Variants in ENKUR observed in about 807,000 individuals in gnomAD.
The protein encoded by ENKUR is enkurin.
A neutral mutation model predicts 27.6 loss-of-function variants in ENKUR; 19 were observed. The observed-to-expected ratio is 0.69, with a 90% CI of 0.48 to 1.01. ENKUR has a LOEUF of 1.01. Among genes scored for constraint, ENKUR ranks in the 50% least tolerant of loss-of-function variants. The pLI is 0.00. For missense variants in ENKUR, 312 were observed against 310.5 expected, an observed-to-expected ratio of 1.00 and a Z score of -0.04; for synonymous variants, 117 against 96.9, an observed-to-expected ratio of 1.21 and a Z score of -1.22.
At chr10:25,023,954 A>G (rs780164466) in intron 2 of ENKUR, 12 of 1,614,098 alleles carry the variant, frequency 7.4e-6, no homozygotes, top group Non-Finnish European at 3.4e-6. Context: ...GACTGTGAAC[A>G]GAAGGTTTCA....
chr10:25,054,798 C>T (rs577752004), intron 2 of ENKUR, among the ~76,000 whole-genome samples: 1 of 151,760 alleles, frequency 6.6e-6, no homozygotes, highest in East Asian at 2.0e-4. Context: ...CACCTCAGCC[C>T]CCCTCATAGC....
At position 24,999,460 on chromosome 10, in the gene ENKUR, TC is replaced by T. The variant is rs760034921; in HGVS notation, c.163del (p.Glu55LysfsTer9). 62 of 1,613,382 alleles carry T rather than the reference TC, an allele frequency of 3.8e-5. No homozygotes were observed. The highest frequency in any genetic ancestry group is 5.0e-5 in the Non-Finnish European group (59 of 1,179,776). ...AMKTMGPAKV[E>X]VPSPKDFLKK... Reference sequence around the variant, plus strand: ...TAGGAAATCCTTTGGAGAAGGTACTTCAACTTTTGCTGGTCCCATAGTTTTC... The same window carrying T: ...TAGGAAATCCTTTGGAGAAGGTACTTAACTTTTGCTGGTCCCATAGTTTTC... On this transcript the variant is annotated frameshift_variant, in exon 2 of 6. Transcript: ENST00000331161. LOFTEE classifies it high-confidence loss of function.
chr10:24,995,170 A>C (rs1445795351), intron 3 of ENKUR, among the ~76,000 whole-genome samples: 1 of 152,222 alleles, frequency 6.6e-6, no homozygotes, highest in African/African-American at 2.4e-5. Flanking sequence ...TTCATGTTAA[A>C]ATAGGAATGT....
intron 1 of ENKUR, among the ~76,000 whole-genome samples, chr10:25,010,530 G>A (rs1396617938): frequency 3.3e-5 from 5 of 151,352 alleles, no homozygotes; most frequent in Admixed American, 1.3e-4. Flanking sequence ...TGCCATGCTG[G>A]TGTGCTGCAC....
intron 2 of ENKUR, among the ~76,000 whole-genome samples, chr10:25,044,208 T>C (rs1027646163): frequency 4.6e-5 from 7 of 152,210 alleles, no homozygotes; most frequent in Admixed American, 6.5e-5. Context: ...TCTAAAAGAA[T>C]GTTAAGTTCC....
At chr10:25,053,077 TA>T (rs35496731) in intron 2 of ENKUR, among the ~76,000 whole-genome samples, 36,075 of 140,154 alleles carry the variant, frequency 0.26, 5,302 homozygotes, top group East Asian at 0.49. Context: ...CTTGTCTCTT[TA>T]AAAAAAAAAA....
In ENKUR at chr10:24,982,296, T is replaced by C. The variant is rs141791091; in HGVS notation, c.*2074A>G. On this transcript the variant is annotated 3_prime_UTR_variant, in exon 6 of 6. Transcript: ENST00000331161. Reference sequence around the variant, plus strand: ...AGAAAGAAAAGGGCAGTTTTCTGGGTGGAGGGAACCATGTGTGCAGATCTC... The same window carrying C: ...AGAAAGAAAAGGGCAGTTTTCTGGGCGGAGGGAACCATGTGTGCAGATCTC... 6.6e-6 allele frequency: 1 copy of C among 152,304 alleles called. No homozygotes were observed. The highest frequency in any genetic ancestry group is 2.4e-5 in the African/African-American group (1 of 41,544). 9.4% of individuals were successfully genotyped at this position (152,304 alleles called of 1,614,324 possible). A position where few individuals can be genotyped will look rare whatever the true frequency, so the allele number is the denominator to read the frequency against.
chr10:25,039,622 CA>C (rs769304561), intron 2 of ENKUR, among the ~76,000 whole-genome samples: 3 of 152,132 alleles, frequency 2.0e-5, no homozygotes, highest in Admixed American at 1.3e-4. Context: ...CTTATTCTGA[CA>C]TTGCTTATTA....
At position 25,024,807 on chromosome 10, in the gene ENKUR, A is replaced by G; in HGVS notation, c.38-28938T>C. 1.9e-6 allele frequency: 3 copies of G among 1,614,216 alleles called. No individual in the cohort carries two copies. The Middle Eastern group carries it at 4.9e-4, about 266-fold the overall frequency. ...CCAAAATGATGGGAATCCCGATTCG[A>G]AAATTTATCTGTGCCTCTAATCAGA... On this transcript the variant is annotated intron_variant, in intron 2 of 5. Coordinates refer to the ENKUR transcript ENST00000615958.
intron 2 of ENKUR, among the ~76,000 whole-genome samples, chr10:25,039,504 C>A (rs903445892): frequency 6.6e-6 from 1 of 152,034 alleles, no homozygotes; most frequent in African/African-American, 2.4e-5. Flanking sequence ...CACTTGAGCC[C>A]GAGAGGTGGA....
intron 2 of ENKUR, among the ~76,000 whole-genome samples, chr10:25,059,215 C>T (rs1031528431): frequency 6.6e-6 from 1 of 150,800 alleles, no homozygotes; most frequent in Admixed American, 6.6e-5. Flanking sequence ...TCACTGCAAC[C>T]TCTGCCTCCC....
intron 4 of ENKUR, among the ~76,000 whole-genome samples, chr10:24,985,920 T>A (rs1849767937): frequency 6.6e-6 from 1 of 152,012 alleles, no homozygotes; most frequent in African/African-American, 2.4e-5. Flanking sequence ...ATACAAAAAA[T>A]AGCCAGGTGT....
chr10:24,990,755 T>A (rs1588648623), intron 3 of ENKUR, 146 bp from the exon 4 acceptor site: 3 of 790,786 alleles, frequency 3.8e-6, no homozygotes, highest in East Asian at 2.9e-5. Flanking sequence ...ATTCAGTGAC[T>A]TTTTTCCCTC....
chr10:25,056,506 G>T (rs1405239545), intron 2 of ENKUR, among the ~76,000 whole-genome samples: 1 of 152,120 alleles, frequency 6.6e-6, no homozygotes, highest in African/African-American at 2.4e-5. Context: ...GGAATCATTT[G>T]GTAAAGAGAA....
intron 2 of ENKUR, among the ~76,000 whole-genome samples, chr10:25,059,619 T>C (rs555312667): frequency 3.5e-4 from 54 of 152,238 alleles, no homozygotes; most frequent in Non-Finnish European, 6.6e-4. Flanking sequence ...GTACCCCCAC[T>C]GGGCACCCCC....
chr10:25,031,764 A>G (rs1850937792), intron 2 of ENKUR, among the ~76,000 whole-genome samples: 1 of 147,838 alleles, frequency 6.8e-6, no homozygotes, highest in Non-Finnish European at 1.5e-5. Flanking sequence ...TAAATTTTTA[A>G]ATTGCTTTCT....
chr10:25,023,290 G>A (rs931903801), intron 2 of ENKUR: 6 of 1,614,110 alleles, frequency 3.7e-6, no homozygotes, highest in Non-Finnish European at 5.1e-6. Context: ...TAGTATACAT[G>A]TTAAAACGGA....
chr10:25,020,252 ATATC>A (rs1850691571), upstream of ENKUR, among the ~76,000 whole-genome samples: 1 of 135,868 alleles, frequency 7.4e-6, no homozygotes, highest in South Asian at 2.7e-4. Flanking sequence ...ATCTATATCT[ATATC>A]TATATCTATA....
chr10:24,988,696 ATATATATATATATAT>A (rs2132671022), intron 4 of ENKUR, among the ~76,000 whole-genome samples: 3 of 34,552 alleles, frequency 8.7e-5, no homozygotes, highest in African/African-American at 4.2e-4. Flanking sequence ...ATATATATAT[ATATATATATATATAT>A]ATATATATAT....
Sources: gnomAD v4.1 joint callset for allele counts (sites outside exome capture counted in the v4.1 genomes callset) on GRCh38, gnomAD v4.1.1 for gene constraint, MANE v1.5 for transcripts, NCBI Gene and HGNC (gene_info 2026-07-23, HGNC 2026-07-21) for gene names.